The following UCHL3 variants were observed in gnomAD, a reference collection of about 807,000 sequenced individuals.
UCHL3 encodes the protein ubiquitin carboxyl-terminal hydrolase isozyme L3.
In UCHL3, 22 loss-of-function variants were observed where a neutral mutation model predicts 35.8. The ratio of observed to expected loss-of-function variants is 0.61; its 90% CI spans 0.44 to 0.88. The LOEUF (loss-of-function observed/expected upper bound fraction) is 0.88. UCHL3 is among the 40% of genes least tolerant of loss of function. The pLI is 0.00. For missense variants in UCHL3, 229 were observed against 276.9 expected, an observed-to-expected ratio of 0.83 and a Z score of 1.23; for synonymous variants, 90 against 92.8, an observed-to-expected ratio of 0.97 and a Z score of 0.17.
intron 3 of UCHL3, among the ~76,000 whole-genome samples, chr13:75,561,869 A>ATACGTATACGTATATACG (rs2031526476): frequency 6.6e-6 from 1 of 150,468 alleles, no homozygotes; most frequent in African/African-American, 2.5e-5. Context: ...ACATATATAC[A>ATACGTATACGTATATACG]TACGTATATA....
At chr13:75,568,946 T>G (rs2031771525) in intron 5 of UCHL3, among the ~76,000 whole-genome samples, 1 of 150,502 alleles carries the variant, frequency 6.6e-6, no homozygotes. Flanking sequence ...ATAAGAGTGG[T>G]TTTTTTTTAG....
intron 2 of UCHL3, among the ~76,000 whole-genome samples, chr13:75,558,914 C>T (rs1221195319): frequency 6.6e-6 from 1 of 151,578 alleles, no homozygotes; most frequent in African/African-American, 2.4e-5. Context: ...AGGAAGCTTG[C>T]AGGAAGTGGA....
intron 7 of UCHL3, among the ~76,000 whole-genome samples, chr13:75,604,221 A>G (rs1405770008): frequency 6.6e-6 from 1 of 152,194 alleles, no homozygotes; most frequent in Non-Finnish European, 1.5e-5. Flanking sequence ...AATAATATTG[A>G]AAAAGTACTA....
chr13:75,563,127 T>TTATGTATGTATGTATG, intron 3 of UCHL3, among the ~76,000 whole-genome samples: 1 of 56,412 alleles, frequency 1.8e-5, no homozygotes, highest in South Asian at 4.2e-4. Flanking sequence ...TCATTATCCT[T>TTATGTATGTATGTATG]TATGTATGTA....
Position 75,567,254 on chromosome 13 carries a change from T to A in UCHL3, c.368T>A (p.Leu123Gln). 6.2e-7 allele frequency: 1 copy of A among 1,614,132 alleles called. No individual in the cohort carries two copies. The highest frequency in any genetic ancestry group is 8.5e-7 in the Non-Finnish European group (1 of 1,180,002). Reference sequence around the variant, plus strand: ...TCTGGATCAACCTTGAAAAAATTCCTGGAGGAATCTGTGTCAATGAGCCCT... The same window carrying A: ...TCTGGATCAACCTTGAAAAAATTCCAGGAGGAATCTGTGTCAATGAGCCCT... ...FESGSTLKKF[L>Q]EESVSMSPEE... is the part of the protein sequence containing the mutation. The change falls in exon 5 of 9, where the codon CTG becomes CAG. Residue 123 changes from leucine to glutamine, a missense_variant. Coordinates refer to ENST00000377595, the MANE Select transcript of UCHL3 (RefSeq NM_006002.5).
chr13:75,575,024 A>G (rs2031977839), intron 6 of UCHL3, among the ~76,000 whole-genome samples: 1 of 152,216 alleles, frequency 6.6e-6, no homozygotes, highest in Non-Finnish European at 1.5e-5. Context: ...CAATAATAAT[A>G]TAGTGTAATA....
chr13:75,572,512 C>T (rs938683473), intron 6 of UCHL3, among the ~76,000 whole-genome samples: 3 of 152,156 alleles, frequency 2.0e-5, no homozygotes, highest in African/African-American at 7.2e-5. Context: ...GGTATCTTAT[C>T]TCCCTTTCTG....
At chr13:75,552,536 G>T (rs2031148458) in intron 2 of UCHL3, among the ~76,000 whole-genome samples, 3 of 152,196 alleles carry the variant, frequency 2.0e-5, no homozygotes, top group Admixed American at 1.3e-4. Context: ...TTAGACATTA[G>T]CTAGTAACCA....
At chr13:75,572,418 T>C (rs2031889582) in intron 6 of UCHL3, among the ~76,000 whole-genome samples, 1 of 152,240 alleles carries the variant, frequency 6.6e-6, no homozygotes, top group South Asian at 2.1e-4. Flanking sequence ...GTTGATGTCA[T>C]AGTTTACTTG....
intron 6 of UCHL3, among the ~76,000 whole-genome samples, chr13:75,586,642 T>G (rs946444460): frequency 2.0e-5 from 3 of 151,942 alleles, no homozygotes; most frequent in African/African-American, 4.8e-5. Flanking sequence ...CAACCTTAAA[T>G]TTTTTTAAAA....
intron 6 of UCHL3, chr13:75,590,167 CA>C (rs2032442986): frequency 1.6e-6 from 2 of 1,236,476 alleles, no homozygotes; most frequent in Middle Eastern, 2.4e-4. Context: ...CTTCCAGTGA[CA>C]AGGGCTGTCT....
intron 6 of UCHL3, 141 bp downstream of exon 6, chr13:75,569,648 T>A: frequency 1.3e-6 from 1 of 757,360 alleles, no homozygotes; most frequent in Non-Finnish European, 2.0e-6. Flanking sequence ...TTGAGAGAAT[T>A]TGCTTAAGCA....
rs1412010646 is a variant in UCHL3 at position 75,549,974 on chromosome 13, A to C, written c.43-2A>C. 6.2e-7 allele frequency: 1 copy of C among 1,614,232 alleles called. No individual in the cohort carries two copies. Among genetic ancestry groups the C allele is most frequent in the East Asian group, 2.2e-5 (1 of 44,892 alleles). On this transcript the variant is annotated splice_acceptor_variant, in intron 1 of 8. Transcript: ENST00000377595. LOFTEE classifies it high-confidence loss of function. ...AAAGCGTGTTCTCTGTTTCGTTTTCAGGTCACCAACCAGGTGAGTGAGGTG... is the reference window on the plus strand; with the variant it reads ...AAAGCGTGTTCTCTGTTTCGTTTTCCGGTCACCAACCAGGTGAGTGAGGTG...
chr13:75,604,164 T>C (rs1593772922), intron 7 of UCHL3, among the ~76,000 whole-genome samples: 1 of 152,182 alleles, frequency 6.6e-6, no homozygotes. Context: ...TAATTGTCAG[T>C]TGACTTTGGG....
intron 5 of UCHL3, among the ~76,000 whole-genome samples, chr13:75,567,640 T>TG (rs2031727059): frequency 1.3e-5 from 2 of 152,080 alleles, no homozygotes; most frequent in South Asian, 4.2e-4. Flanking sequence ...CTCTGCCTCC[T>TG]GGGTTCAAGC....
chr13:75,576,159 A>G (rs766813727), intron 6 of UCHL3, among the ~76,000 whole-genome samples: 25 of 152,214 alleles, frequency 1.6e-4, no homozygotes, highest in Non-Finnish European at 3.4e-4. Context: ...GGGATAGGAA[A>G]CAGATTGTGT....
intron 6 of UCHL3, among the ~76,000 whole-genome samples, chr13:75,587,579 A>G (rs565505323): frequency 1.3e-5 from 2 of 152,340 alleles, no homozygotes; most frequent in African/African-American, 4.8e-5. Context: ...AAAAAAAGTT[A>G]TGTAGAAAAA....
chr13:75,604,980 T>C (rs188964137), intron 8 of UCHL3, 153 bp downstream of exon 8: 18 of 530,068 alleles, frequency 3.4e-5, no homozygotes, highest in Admixed American at 2.6e-4. Flanking sequence ...ATATTAGTGT[T>C]AAAAATCTAC....
intron 1 of UCHL3, 29 bp downstream of exon 1, chr13:75,549,891 C>T (rs773197990): frequency 1.2e-6 from 2 of 1,613,682 alleles, no homozygotes; most frequent in East Asian, 2.2e-5. Context: ...AGCCCTGGGC[C>T]GTGGGCAGGT....
Sources: allele counts gnomAD v4.1 joint callset (sites outside exome capture counted in the v4.1 genomes callset), GRCh38; gene constraint gnomAD v4.1.1; transcripts MANE v1.5; gene names NCBI Gene and HGNC (gene_info 2026-07-23, HGNC 2026-07-21).